Variants in F8 observed in about 807,000 individuals in gnomAD.
F8 encodes antihemophilic factor.
F8 carries 12 observed loss-of-function variants against 140.6 expected under a neutral mutation model. The ratio of observed to expected loss-of-function variants is 0.09; its 90% CI spans 0.05 to 0.14. The LOEUF is 0.14. Ranked by LOEUF, F8 falls within the 10% of genes least tolerant of loss-of-function variation. F8 has a pLI of 1.00. For synonymous variants in F8, 585 were observed against 614.6 expected (o/e 0.95, Z 0.71); for missense variants, 1,354 against 1,720.7 (o/e 0.79, Z 3.77).
intron 22 of F8, among the ~76,000 whole-genome samples, chrX:154,865,628 T>C (rs28887288): frequency 0.42 from 45,049 of 107,274 alleles, 9,648 homozygotes; most frequent in African/African-American, 0.81. Flanking sequence ...TTGAAGGTGT[T>C]GTCAGCTTAA....
intron 22 of F8, among the ~76,000 whole-genome samples, chrX:154,872,362 T>C (rs782167128): frequency 7.1e-5 from 8 of 111,910 alleles, no homozygotes; most frequent in Non-Finnish European, 1.5e-4. Flanking sequence ...TGGAATACTA[T>C]ACAGCCATAA....
At chrX:155,010,505 CA>C (rs1456444749) in intron 1 of F8, among the ~76,000 whole-genome samples, 12 of 111,026 alleles carry the variant, frequency 1.1e-4, no homozygotes, top group African/African-American at 3.6e-4. Context: ...TAATCAGCAT[CA>C]AAATAATCTA....
intron 25 of F8, among the ~76,000 whole-genome samples, chrX:154,855,051 T>C (rs970393695): frequency 5.4e-5 from 6 of 111,437 alleles, no homozygotes; most frequent in Non-Finnish European, 1.1e-4. Context: ...ACCTGGGAGA[T>C]GGAGGTTGCA....
At chrX:154,986,301 T>C (rs939573438) in intron 5 of F8, among the ~76,000 whole-genome samples, 1 of 111,957 alleles carries the variant, frequency 8.9e-6, no homozygotes, top group Admixed American at 9.5e-5. Context: ...TTATTTGTTT[T>C]GTTGTTTGAG....
At position 154,923,586 on chromosome X, in the gene F8, C is replaced by T. The variant is rs182048607; in HGVS notation, c.5219+4985G>A. Among the ~76,000 whole-genome samples the T allele has an allele frequency of 2.7e-5, 3 of 112,047 alleles. No homozygotes were observed. In the East Asian group the frequency reaches 8.4e-4, roughly 31 times the overall value. On this transcript the variant is annotated intron_variant, in intron 14 of 25. Transcript: ENST00000360256. ...GCATGGTGGCTCACACCTGTAATCC[C>T]AGTGCTTTGGGAGGCCAAGGCGGGC... is the stretch of plus-strand genomic sequence containing the variant.
rs372881032 is a variant in F8 at position 154,974,011 on chromosome X, G to A, written c.788-4459C>T. Among the ~76,000 whole-genome samples, 16 of 110,506 alleles carry A rather than the reference G, an allele frequency of 1.4e-4. 1 individual carries two copies. In the East Asian group the frequency reaches 4.0e-3, roughly 27 times the overall value. ...TGTGTGTATTTTTAGTAGAGATGGG[G>A]TTTCACCATATTGCCAGGCTGGTCT... On this transcript the variant is annotated intron_variant, in intron 6 of 25. Coordinates refer to ENST00000360256, the MANE Select transcript of F8 (RefSeq NM_000132.4).
chrX:155,021,076 A>G (rs2073758040), intron 1 of F8, among the ~76,000 whole-genome samples: 1 of 112,461 alleles, frequency 8.9e-6, no homozygotes, highest in Middle Eastern at 4.2e-3. Context: ...TGATACAGCC[A>G]TACCATAGAA....
intron 22 of F8, among the ~76,000 whole-genome samples, chrX:154,867,205 C>T (rs782034589): frequency 8.9e-6 from 1 of 111,894 alleles, no homozygotes; most frequent in Admixed American, 9.5e-5. Context: ...AATCAAAAAC[C>T]TTCCAACAAA....
chrX:154,955,710 C>T lies in F8; in HGVS notation c.1752+1247G>A, dbSNP rs781850122. Among the ~76,000 whole-genome samples the T allele has an allele frequency of 7.2e-5, 8 of 110,662 alleles. No homozygotes were observed. In the South Asian group the frequency reaches 2.7e-3, roughly 37 times the overall value. ...TGATTTTCAAAGGGGAGGGAGTGTA[C>T]GAATAGGGTGTGGGTCACAAAGATC... On this transcript the variant is annotated intron_variant, in intron 11 of 25. Coordinates refer to ENST00000360256, the MANE Select transcript of F8 (RefSeq NM_000132.4).
At position 154,860,591 on chromosome X, in the gene F8, C is replaced by T. The variant is rs1378838141; in HGVS notation, c.6741G>A (p.Glu2247=). 3 of 1,210,044 alleles carry T rather than the reference C, an allele frequency of 2.5e-6. No homozygotes were observed. The highest frequency in any genetic ancestry group is 3.4e-6 in the Non-Finnish European group (3 of 895,202). Residue 2247 remains glutamate (E), a synonymous_variant, in exon 25 of 26, where the codon GAG becomes GAA. Transcript: ENST00000360256. ...TCTTCTGGAAGTCCACTTGCAGCCA[C>T]TCTTTTGGATTATTCACCTGAGGGC... is the stretch of plus-strand genomic sequence containing the variant. The part of the protein sequence containing the change: ...AWRPQVNNPK[E]WLQVDFQKTM...
In F8 at chrX:154,928,996, CTCT is replaced by C. The variant is rs2073176091; in HGVS notation, c.4791_4793del (p.Glu1598del). ...CTGGTGACTTCTCTTGGGATTTCCACTCTTCTTTTGGTATCTGAGTACCATAGT... is the reference window on the plus strand; with the variant it reads ...CTGGTGACTTCTCTTGGGATTTCCACTCTTTTGGTATCTGAGTACCATAGT... On this transcript the variant is annotated inframe_deletion, in exon 14 of 26. Coordinates refer to ENST00000360256, the MANE Select transcript of F8 (RefSeq NM_000132.4). 8.3e-7 allele frequency: 1 copy of C among 1,210,060 alleles called. No homozygotes were observed. Among genetic ancestry groups the C allele is most frequent in the Admixed American group, 2.2e-5 (1 of 45,775 alleles).
chrX:154,901,104 A>G (rs1041290575), intron 20 of F8, among the ~76,000 whole-genome samples: 1 of 112,021 alleles, frequency 8.9e-6, no homozygotes, highest in African/African-American at 3.2e-5. Context: ...TTCCTGCTGC[A>G]CTGAAAAGAA....
chrX:154,891,216 T>G (rs1371731421), intron 22 of F8, among the ~76,000 whole-genome samples: 1 of 112,718 alleles, frequency 8.9e-6, no homozygotes, highest in East Asian at 2.8e-4. Flanking sequence ...TCTTAACCTC[T>G]TCTCACTTTG....
At chrX:154,964,098 T>C (rs973147495) in intron 9 of F8, among the ~76,000 whole-genome samples, 2 of 111,292 alleles carry the variant, frequency 1.8e-5, no homozygotes, top group Non-Finnish European at 3.8e-5. Context: ...CACACACACA[T>C]ACACACACAC....
intron 12 of F8, among the ~76,000 whole-genome samples, chrX:154,952,150 C>A (rs910242298): frequency 1.8e-5 from 2 of 111,885 alleles, no homozygotes; most frequent in Admixed American, 1.9e-4. Flanking sequence ...TGAAGGAATT[C>A]TAAACCAAAG....
At chrX:154,976,186 C>T (rs1197726716) in intron 6 of F8, among the ~76,000 whole-genome samples, 1 of 112,388 alleles carries the variant, frequency 8.9e-6, no homozygotes, top group African/African-American at 3.2e-5. Flanking sequence ...TGAGCCACCA[C>T]GTCTGGCTGT....
intron 13 of F8, among the ~76,000 whole-genome samples, chrX:154,946,789 T>G (rs1557280319): frequency 1.8e-5 from 2 of 111,292 alleles, no homozygotes; most frequent in African/African-American, 6.5e-5. Flanking sequence ...AAGAGACAAT[T>G]TATAGGATGG....
At chrX:154,919,028 G>A (rs2073115173) in intron 14 of F8, 1 of 110,523 alleles carries the variant, frequency 9.0e-6, no homozygotes, top group Admixed American at 9.7e-5. Flanking sequence ...TAGATCAGAT[G>A]ACCAGTAGTG....
chrX:154,914,641 A>G (rs1209482593), intron 14 of F8, among the ~76,000 whole-genome samples: 1 of 112,052 alleles, frequency 8.9e-6, no homozygotes, highest in Non-Finnish European at 1.9e-5. Flanking sequence ...CAAGTTCGTC[A>G]TCTCCATCTG....
Sources: allele counts gnomAD v4.1 joint callset (sites outside exome capture counted in the v4.1 genomes callset), GRCh38; gene constraint gnomAD v4.1.1; transcripts MANE v1.5; gene names NCBI Gene and HGNC (gene_info 2026-07-23, HGNC 2026-07-21).